Variants in COL26A1 observed in about 807,000 individuals in gnomAD.
COL26A1 encodes the protein collagen alpha-1(XXVI) chain.
COL26A1 carries 41 observed loss-of-function variants against 59.3 expected under a neutral mutation model. The observed-to-expected ratio is 0.69, with a 90% CI of 0.54 to 0.90. The LOEUF is 0.90. Among genes scored for constraint, COL26A1 ranks in the 40% least tolerant of loss-of-function variants. The probability of loss-of-function intolerance (pLI) is 0.00; values close to 1 mark genes in which losing one functional copy is unlikely to be tolerated. For synonymous variants in COL26A1, 266 were observed against 256.0 expected, an observed-to-expected ratio of 1.04 and a Z score of -0.37; for missense variants, 612 against 602.3, an observed-to-expected ratio of 1.02 and a Z score of -0.17.
chr7:101,493,705 A>C (rs892588836), intron 3 of COL26A1, among the ~76,000 whole-genome samples: 3 of 145,720 alleles, frequency 2.1e-5, no homozygotes, highest in Non-Finnish European at 3.0e-5. Flanking sequence ...GAGGATCACG[A>C]GGTCAGGAGA....
chr7:101,483,096 C>G (rs753178743), intron 3 of COL26A1, among the ~76,000 whole-genome samples: 1 of 152,228 alleles, frequency 6.6e-6, no homozygotes, highest in Non-Finnish European at 1.5e-5. Context: ...AATCATATGA[C>G]CATGGTCTGC....
At chr7:101,362,828 A>G, upstream of COL26A1, 1 of 559,820 alleles carries the variant, frequency 1.8e-6, no homozygotes, top group Non-Finnish European at 3.1e-6. Flanking sequence ...GACGGCTTAG[A>G]GCCCACCTCG....
intron 3 of COL26A1, among the ~76,000 whole-genome samples, chr7:101,506,643 T>C (rs1794817944): frequency 1.3e-5 from 2 of 152,216 alleles, no homozygotes; most frequent in South Asian, 4.1e-4. Context: ...TCCGTGTTCC[T>C]AACTGCAGAA....
chr7:101,458,297 C>A (rs564746147), intron 3 of COL26A1, among the ~76,000 whole-genome samples: 1 of 152,286 alleles, frequency 6.6e-6, no homozygotes, highest in South Asian at 2.1e-4. Flanking sequence ...GACTTCATCA[C>A]CTTTACCAAT....
At chr7:101,425,977 C>CAT (rs1792638331) in intron 2 of COL26A1, among the ~76,000 whole-genome samples, 2 of 151,744 alleles carry the variant, frequency 1.3e-5, no homozygotes, top group Non-Finnish European at 1.5e-5. Flanking sequence ...TAGGTGTGTG[C>CAT]CACCACACCT....
rs985656490 is a variant in COL26A1 at position 101,416,167 on chromosome 7, G to A, written c.159-3810G>A. Among the ~76,000 whole-genome samples, 8 of 143,096 alleles carry A rather than the reference G, an allele frequency of 5.6e-5. 1 individual carries two copies. Among genetic ancestry groups the A allele is most frequent in the Non-Finnish European group, 1.1e-4 (7 of 63,084 alleles). The allele number at this position is 143,096 out of a possible 152,430, so 93.9% of individuals were successfully genotyped here. ...CCAGCCCTTTGGGAAGCCGAGGTGG[G>A]ACGATCACCTGAGCCCAGGAGTTTG... On this transcript the variant is annotated intron_variant, in intron 1 of 12. Transcript: ENST00000313669.
intron 1 of COL26A1, among the ~76,000 whole-genome samples, chr7:101,401,650 G>T (rs1792003245): frequency 9.3e-6 from 1 of 107,606 alleles, no homozygotes; most frequent in Non-Finnish European, 2.3e-5. Context: ...GAGAGGAGGA[G>T]GTGGAGGAGG....
intron 3 of COL26A1, among the ~76,000 whole-genome samples, chr7:101,497,591 AC>A (rs779483277): frequency 2.0e-5 from 3 of 152,058 alleles, no homozygotes; most frequent in Non-Finnish European, 2.9e-5. Flanking sequence ...TGGGAAGATT[AC>A]TTGAGCTCAG....
At chr7:101,372,286 C>G (rs758724953) in intron 1 of COL26A1, among the ~76,000 whole-genome samples, 16 of 152,124 alleles carry the variant, frequency 1.1e-4, no homozygotes, top group Non-Finnish European at 2.2e-4. Context: ...CTGCCCCAGC[C>G]TCCCAAGTAG....
At chr7:101,497,471 T>G (rs1403707026) in intron 3 of COL26A1, among the ~76,000 whole-genome samples, 3 of 151,992 alleles carry the variant, frequency 2.0e-5, no homozygotes, top group Non-Finnish European at 4.4e-5. Flanking sequence ...GCCCAGGAGT[T>G]CGAGACCAGC....
chr7:101,534,273 A>G (rs1160246117), intron 4 of COL26A1, among the ~76,000 whole-genome samples: 1 of 126,590 alleles, frequency 7.9e-6, no homozygotes, highest in Non-Finnish European at 1.6e-5. Context: ...GTGTGTGAAC[A>G]GGGCCACGTG....
Position 101,549,081 on chromosome 7 carries a change from A to G in COL26A1, c.941-90A>G, listed in dbSNP as rs919962987. 5 of 647,282 alleles carry G rather than the reference A, an allele frequency of 7.7e-6. No individual in the cohort carries two copies. The Admixed American group carries it at 1.7e-4, about 22-fold the overall frequency. 40.1% of individuals were successfully genotyped at this position (647,282 alleles called of 1,614,324 possible). ...ATTCCCAAACCCTCCTTTACTTCCC[A>G]TGGAGACAGATCAAGAACAGGTGCT... On this transcript the variant is annotated intron_variant, in intron 8 of 12. Transcript: ENST00000313669.
intron 1 of COL26A1, among the ~76,000 whole-genome samples, chr7:101,374,499 T>C (rs994424502): frequency 3.9e-5 from 6 of 152,224 alleles, no homozygotes; most frequent in African/African-American, 1.2e-4. Flanking sequence ...CTCGCATTAC[T>C]GCCTTAGCTC....
intron 2 of COL26A1, among the ~76,000 whole-genome samples, chr7:101,432,053 T>A (rs1792796176): frequency 6.6e-6 from 1 of 150,924 alleles, no homozygotes; most frequent in Non-Finnish European, 1.5e-5. Flanking sequence ...AGTTGCCTCC[T>A]GGGTTCAAGA....
intron 10 of COL26A1, chr7:101,553,069 C>T (rs1242079758): frequency 2.8e-6 from 1 of 353,942 alleles, no homozygotes; most frequent in African/African-American, 2.1e-5. Flanking sequence ...TCTTCTGCCC[C>T]AGAAGCAGAA....
chr7:101,506,441 T>C (rs1174310238), intron 3 of COL26A1, among the ~76,000 whole-genome samples: 1 of 152,216 alleles, frequency 6.6e-6, no homozygotes. Flanking sequence ...GGTGGGGGCC[T>C]CTTAGCAGAA....
At chr7:101,384,012 GTTTA>G (rs1554403502) in intron 1 of COL26A1, among the ~76,000 whole-genome samples, 4 of 151,542 alleles carry the variant, frequency 2.6e-5, no homozygotes, top group African/African-American at 7.3e-5. Context: ...TTGCAAGTTT[GTTTA>G]TTTATTTATT....
chr7:101,547,329 G>A (rs1463512919), intron 8 of COL26A1, 90 bp downstream of exon 8: 3 of 853,042 alleles, frequency 3.5e-6, no homozygotes, highest in Admixed American at 5.2e-5. Context: ...CTGGAGGTCG[G>A]CTGGCGGTCC....
At chr7:101,378,931 C>T (rs1269433406) in intron 1 of COL26A1, among the ~76,000 whole-genome samples, 1 of 152,000 alleles carries the variant, frequency 6.6e-6, no homozygotes, top group Non-Finnish European at 1.5e-5. Flanking sequence ...GGCTGTGCGG[C>T]CCCTGGAGGC....
Sources: gnomAD v4.1 joint callset for allele counts (sites outside exome capture counted in the v4.1 genomes callset) on GRCh38, gnomAD v4.1.1 for gene constraint, MANE v1.5 for transcripts, NCBI Gene and HGNC (gene_info 2026-07-23, HGNC 2026-07-21) for gene names.